The following SOS2 variants were observed in gnomAD, a reference collection of about 807,000 sequenced individuals.
SOS2 encodes son of sevenless homolog 2.
A neutral mutation model predicts 148.2 loss-of-function variants in SOS2; 65 were observed. That is an observed-to-expected ratio of 0.44 (90% CI 0.36 to 0.54). The LOEUF (loss-of-function observed/expected upper bound fraction) is 0.54. SOS2 is among the 20% of genes least tolerant of loss of function. SOS2 has a pLI of 0.00. For synonymous variants in SOS2, 539 were observed against 537.1 expected, an observed-to-expected ratio of 1.00 and a Z score of -0.05; for missense variants, 1,341 against 1,590.2, an observed-to-expected ratio of 0.84 and a Z score of 2.67.
chr14:50,174,786 C>T (rs1885471633), intron 7 of SOS2, among the ~76,000 whole-genome samples: 1 of 152,120 alleles, frequency 6.6e-6, no homozygotes, highest in Admixed American at 6.5e-5. Context: ...GCTAAAATAG[C>T]TTTCACAATA....
At position 50,134,198 on chromosome 14, in the gene SOS2, T is replaced by C. The variant is rs1165299325; in HGVS notation, c.3000A>G (p.Glu1000=). The C allele has an allele frequency of 6.2e-7, 1 of 1,608,410 alleles. No homozygotes were observed. Among genetic ancestry groups the C allele is most frequent in the East Asian group, 2.2e-5 (1 of 44,756 alleles). ...TGAACAAATAATCTGTAAACTCTTT[T>C]TCAGATGCACTTCCCATGGGGTTAA... The part of the protein sequence containing the change: ...ENLNPMGSAS[E]KEFTDYLFNK... The change falls in exon 19 of 23, where the codon GAA becomes GAG. Residue 1000 remains glutamate, a synonymous_variant. Coordinates refer to ENST00000216373, the MANE Select transcript of SOS2 (RefSeq NM_006939.4).
intron 1 of SOS2, among the ~76,000 whole-genome samples, chr14:50,222,230 T>A (rs1187576461): frequency 1.3e-5 from 2 of 152,200 alleles, no homozygotes; most frequent in African/African-American, 4.8e-5. Context: ...ACTATTTAAA[T>A]GTAAAATGAA....
At chr14:50,135,035 T>TG (rs1445229210) in intron 18 of SOS2, among the ~76,000 whole-genome samples, 2 of 126,558 alleles carry the variant, frequency 1.6e-5, no homozygotes, top group Non-Finnish European at 3.1e-5. Context: ...ATCACACCAT[T>TG]GCACTCCAGC....
intron 2 of SOS2, among the ~76,000 whole-genome samples, chr14:50,203,786 G>GAACA (rs925533687): frequency 1.3e-5 from 2 of 150,442 alleles, no homozygotes; most frequent in African/African-American, 4.9e-5. Context: ...CTGACATAGA[G>GAACA]AACATTTTTT....
chr14:50,145,276 A>G lies in SOS2; in HGVS notation c.2561T>C (p.Ile854Thr), dbSNP rs1431999988. Residue 854 changes from isoleucine (I) to threonine (T), a missense_variant, in exon 16 of 23, where the codon ATA becomes ACA. Transcript: ENST00000216373. ...EERVAVLSRI[I>T]EILQVFQDLN... is the part of the protein sequence containing the mutation. ...ATCTTGAAAAACTTGCAGAATTTCT[A>G]TAATTCTACTTAGTACTGCCACCCG... 6 of 1,612,124 alleles carry G rather than the reference A, an allele frequency of 3.7e-6. No individual in the cohort carries two copies. The highest frequency in any genetic ancestry group is 1.3e-5 in the African/African-American group (1 of 74,880).
At position 50,174,506 on chromosome 14, in the gene SOS2, C is replaced by T. The variant is rs755580745; in HGVS notation, c.1016G>A (p.Arg339His). The T allele has an allele frequency of 1.1e-5, 17 of 1,610,784 alleles. No individual in the cohort carries two copies. The South Asian group carries it at 1.1e-4, about 10-fold the overall frequency. The change falls in exon 8 of 23, where the codon CGT becomes CAT. Residue 339 changes from arginine to histidine, a missense_variant. Arg to His is a conservative substitution (Grantham distance 29). Transcript: ENST00000216373. Reference protein sequence around the residue: ...FKEAVRYVLPRLMLVPVYHCW... With the variant: ...FKEAVRYVLPHLMLVPVYHCW... The stretch of plus-strand genomic sequence containing the variant: ...GTGATACACTGGCACCAGCATAAGA[C>T]GTGGAAGGACATAACGAACTGCCTC...
chr14:50,124,216 C>G (rs1243440254), intron 21 of SOS2, among the ~76,000 whole-genome samples: 1 of 152,046 alleles, frequency 6.6e-6, no homozygotes, highest in African/African-American at 2.4e-5. Flanking sequence ...ACTGAACAAC[C>G]AAGTGAGTGA....
At position 50,138,709 on chromosome 14, in the gene SOS2, A is replaced by G; in HGVS notation, c.2861T>C (p.Ile954Thr). Residue 954 changes from isoleucine (I) to threonine (T), a missense_variant, in exon 18 of 23, where the codon ATC becomes ACC. Ile to Thr is a moderately conservative substitution (Grantham distance 89). Transcript: ENST00000216373. Reference sequence around the variant, plus strand: ...TACTTTCCTCCTCTTACTGAAATTGATTAAATCTTTCCCTTTCTTTTTTAA... The same window carrying G: ...TACTTTCCTCCTCTTACTGAAATTGGTTAAATCTTTCCCTTTCTTTTTTAA... Reference protein sequence around the residue: ...DFLKKKGKDLINFSKRRKVAE... With the variant: ...DFLKKKGKDLTNFSKRRKVAE... The G allele has an allele frequency of 7.1e-7, 1 of 1,413,164 alleles. No individual in the cohort carries two copies. Among genetic ancestry groups the G allele is most frequent in the Non-Finnish European group, 9.9e-7 (1 of 1,009,470 alleles). 87.5% of individuals were successfully genotyped at this position (1,413,164 alleles called of 1,614,324 possible).
intron 19 of SOS2, 108 bp downstream of exon 19, chr14:50,134,015 A>G (rs1034483275): frequency 6.9e-6 from 5 of 724,408 alleles, no homozygotes; most frequent in East Asian, 2.6e-5. Context: ...CAAACAAAAC[A>G]CCTAGGAACA....
At chr14:50,215,926 T>C (rs970943398) in intron 1 of SOS2, among the ~76,000 whole-genome samples, 2 of 152,184 alleles carry the variant, frequency 1.3e-5, no homozygotes, top group Non-Finnish European at 2.9e-5. Flanking sequence ...TAATTAACAT[T>C]TGAGTTTCAG....
chr14:50,228,288 C>T (rs1245842252), intron 1 of SOS2, among the ~76,000 whole-genome samples: 1 of 152,074 alleles, frequency 6.6e-6, no homozygotes, highest in Non-Finnish European at 1.5e-5. Flanking sequence ...AGTTGATCCA[C>T]CAGCCTCAGC....
At chr14:50,176,964 C>A (rs374598099) in intron 7 of SOS2, among the ~76,000 whole-genome samples, 1 of 152,156 alleles carries the variant, frequency 6.6e-6, no homozygotes, top group Admixed American at 6.5e-5. Flanking sequence ...GAGCCAAGAT[C>A]GCGCCACTGC....
chr14:50,157,139 A>C lies in SOS2; in HGVS notation c.1935-18T>G. ...TTTCAAACCTAAGAAGAAAAGCAAA[A>C]GGAGAAAAATCCGTTCATACATAAT... On this transcript the variant is annotated intron_variant, in intron 11 of 22. Transcript: ENST00000216373. The C allele has an allele frequency of 1.2e-6, 2 of 1,606,894 alleles. No individual in the cohort carries two copies. Among genetic ancestry groups the C allele is most frequent in the South Asian group, 2.2e-5 (2 of 90,462 alleles).
intron 2 of SOS2, among the ~76,000 whole-genome samples, chr14:50,203,412 C>T (rs1026955880): frequency 6.6e-6 from 1 of 151,958 alleles, no homozygotes; most frequent in Non-Finnish European, 1.5e-5. Flanking sequence ...TACTATTAGA[C>T]ATTTGTTTTT....
intron 8 of SOS2, among the ~76,000 whole-genome samples, chr14:50,170,413 T>C (rs1321452281): frequency 6.6e-6 from 1 of 152,072 alleles, no homozygotes; most frequent in Non-Finnish European, 1.5e-5. Context: ...TAGCCAGGTA[T>C]GGTGGCTCAT....
At chr14:50,145,963 C>T (rs1256920729) in intron 14 of SOS2, among the ~76,000 whole-genome samples, 1 of 151,282 alleles carries the variant, frequency 6.6e-6, no homozygotes, top group African/African-American at 2.4e-5. Context: ...GGAAAAACCC[C>T]GTCTCTACTA....
chr14:50,123,092 G>A (rs1409936607), intron 21 of SOS2, among the ~76,000 whole-genome samples: 1 of 152,150 alleles, frequency 6.6e-6, no homozygotes, highest in African/African-American at 2.4e-5. Flanking sequence ...GGTGGGAGGG[G>A]AGCAACATAA....
intron 18 of SOS2, among the ~76,000 whole-genome samples, chr14:50,136,094 T>C (rs1033423689): frequency 9.8e-5 from 15 of 152,328 alleles, no homozygotes; most frequent in African/African-American, 3.4e-4. Context: ...TCAAGAAAAT[T>C]GTATTACTCT....
intron 16 of SOS2, among the ~76,000 whole-genome samples, chr14:50,141,511 A>T (rs1884284766): frequency 6.6e-6 from 1 of 152,026 alleles, no homozygotes; most frequent in African/African-American, 2.4e-5. Context: ...ACAGAGCATG[A>T]CCCTGTCTCT....
Sources: gnomAD v4.1 joint callset for allele counts (sites outside exome capture counted in the v4.1 genomes callset) on GRCh38, gnomAD v4.1.1 for gene constraint, MANE v1.5 for transcripts, NCBI Gene and HGNC (gene_info 2026-07-23, HGNC 2026-07-21) for gene names.